PPM1L: variants seen among roughly 807,000 people sequenced by gnomAD.
PPM1L encodes the protein protein phosphatase, Mg2+/Mn2+ dependent 1L.
In PPM1L, 13 loss-of-function variants were observed where a neutral mutation model predicts 31.4. The observed-to-expected ratio is 0.41, with a 90% confidence interval of 0.27 to 0.66. The LOEUF is 0.66. Among genes scored for constraint, PPM1L ranks in the 30% least tolerant of loss-of-function variants. The pLI, the probability that PPM1L is intolerant of heterozygous loss-of-function variation, is 0.29. For synonymous variants in PPM1L, 184 were observed against 175.4 expected (o/e 1.05, Z -0.39); for missense variants, 326 against 453.7 (o/e 0.72, Z 2.56).
At chr3:161,013,470 T>C (rs1717965000) in intron 2 of PPM1L, among the ~76,000 whole-genome samples, 1 of 152,180 alleles carries the variant, frequency 6.6e-6, no homozygotes, top group South Asian at 2.1e-4. Flanking sequence ...GGAATAAGTG[T>C]GATGTGATGC....
chr3:160,931,114 GACAAACA>G (rs1443362346), intron 1 of PPM1L, among the ~76,000 whole-genome samples: 1 of 152,196 alleles, frequency 6.6e-6, no homozygotes, highest in Non-Finnish European at 1.5e-5. Flanking sequence ...GACAGTAGGG[GACAAACA>G]TTTGAAATAA....
At chr3:160,913,524 C>T (rs1371122186) in intron 1 of PPM1L, among the ~76,000 whole-genome samples, 2 of 152,050 alleles carry the variant, frequency 1.3e-5, no homozygotes, top group Admixed American at 6.6e-5. Context: ...TCAATTACTC[C>T]AAAATGTTTC....
At chr3:160,823,630 A>G (rs1490047512) in intron 1 of PPM1L, among the ~76,000 whole-genome samples, 1 of 152,138 alleles carries the variant, frequency 6.6e-6, no homozygotes, top group East Asian at 1.9e-4. Flanking sequence ...AATAATTACT[A>G]TAATAATGCT....
intron 1 of PPM1L, among the ~76,000 whole-genome samples, chr3:160,846,586 T>C (rs1714085137): frequency 6.6e-6 from 1 of 152,150 alleles, no homozygotes; most frequent in Admixed American, 6.5e-5. Context: ...TGTCCTGTTA[T>C]CTAGATTAGA....
rs1322801669 is a variant in PPM1L at position 160,915,879 on chromosome 3, C to T, written c.400-45857C>T. Among the ~76,000 whole-genome samples, 10 of 152,228 alleles carry T rather than the reference C, an allele frequency of 6.6e-5. No homozygotes were observed. The East Asian group carries it at 1.5e-3, about 23-fold the overall frequency. ...ATATGTAGAAAGCTGAAACTGGATC[C>T]CTTCCTTACACCTTATACAAAAATT... On this transcript the variant is annotated intron_variant, in intron 1 of 3. Coordinates refer to ENST00000498165, the MANE Select transcript of PPM1L (RefSeq NM_139245.4).
intron 1 of PPM1L, among the ~76,000 whole-genome samples, chr3:160,823,131 C>A (rs958095356): frequency 3.3e-5 from 5 of 152,038 alleles, no homozygotes; most frequent in Admixed American, 3.3e-4. Flanking sequence ...AGGCACTGGA[C>A]TCCTGGAAGG....
intron 2 of PPM1L, among the ~76,000 whole-genome samples, chr3:161,043,063 T>G (rs6772578): frequency 2.0e-5 from 3 of 147,148 alleles, no homozygotes; most frequent in Non-Finnish European, 3.0e-5. Context: ...TTCAAATCAG[T>G]GGTTGACTTC....
intron 2 of PPM1L, among the ~76,000 whole-genome samples, chr3:160,987,528 T>A (rs1397906641): frequency 6.6e-6 from 1 of 152,234 alleles, no homozygotes; most frequent in Non-Finnish European, 1.5e-5. Context: ...TCAGTGTATA[T>A]ACAGGGAATA....
At chr3:160,849,709 C>T (rs1359444879) in intron 1 of PPM1L, among the ~76,000 whole-genome samples, 6 of 151,620 alleles carry the variant, frequency 4.0e-5, no homozygotes, top group Non-Finnish European at 7.4e-5. Context: ...CAGGCGCCCG[C>T]CACCACGCCC....
chr3:160,895,654 A>ACTC, intron 1 of PPM1L, among the ~76,000 whole-genome samples: 1 of 152,198 alleles, frequency 6.6e-6, no homozygotes, highest in African/African-American at 2.4e-5. Context: ...ATAAAGGAGT[A>ACTC]CTTTGTTTTG....
chr3:160,957,817 C>T (rs1028935297), intron 1 of PPM1L, among the ~76,000 whole-genome samples: 4 of 152,000 alleles, frequency 2.6e-5, no homozygotes, highest in African/African-American at 9.7e-5. Flanking sequence ...ACCTTGTGAT[C>T]CGCCCGCCTC....
intron 2 of PPM1L, among the ~76,000 whole-genome samples, chr3:161,057,550 C>G (rs557225234): frequency 3.0e-4 from 46 of 152,052 alleles, no homozygotes; most frequent in Non-Finnish European, 5.4e-4. Context: ...ACAGGGTCAC[C>G]AACAGCCCAG....
intron 1 of PPM1L, among the ~76,000 whole-genome samples, chr3:160,785,500 A>G (rs776040387): frequency 2.6e-5 from 4 of 151,812 alleles, no homozygotes; most frequent in Non-Finnish European, 5.9e-5. Context: ...GATCTCTAAA[A>G]CCCCTCCCCA....
intron 1 of PPM1L, among the ~76,000 whole-genome samples, chr3:160,952,991 AG>A (rs1715621763): frequency 6.6e-6 from 1 of 152,188 alleles, no homozygotes; most frequent in South Asian, 2.1e-4. Context: ...GTGAAATTTG[AG>A]GGGTATTAAA....
At chr3:161,015,486 A>G (rs1718056811) in intron 2 of PPM1L, among the ~76,000 whole-genome samples, 1 of 152,216 alleles carries the variant, frequency 6.6e-6, no homozygotes, top group African/African-American at 2.4e-5. Context: ...TAAACTGGTC[A>G]TTATTTACAT....
At chr3:160,835,037 C>G (rs543986933) in intron 1 of PPM1L, among the ~76,000 whole-genome samples, 1 of 140,460 alleles carries the variant, frequency 7.1e-6, no homozygotes, top group South Asian at 2.4e-4. Context: ...ATTACTACTA[C>G]TACTTCTTCT....
chr3:161,061,947 A>T (rs1424986830), intron 2 of PPM1L, among the ~76,000 whole-genome samples: 1 of 152,250 alleles, frequency 6.6e-6, no homozygotes, highest in Non-Finnish European at 1.5e-5. Context: ...AGGCTGGCTC[A>T]GCAGTTCCCT....
intron 2 of PPM1L, among the ~76,000 whole-genome samples, chr3:161,030,551 C>T (rs942326912): frequency 5.3e-5 from 8 of 152,114 alleles, no homozygotes; most frequent in African/African-American, 1.4e-4. Flanking sequence ...AAATGGACTA[C>T]GACAACAACC....
chr3:160,840,009 T>C (rs1273240266), intron 1 of PPM1L, among the ~76,000 whole-genome samples: 1 of 152,210 alleles, frequency 6.6e-6, no homozygotes, highest in African/African-American at 2.4e-5. Flanking sequence ...ATGGAAGTGT[T>C]AATAGGATTT....
Sources: gnomAD v4.1 joint callset for allele counts (sites outside exome capture counted in the v4.1 genomes callset) on GRCh38, gnomAD v4.1.1 for gene constraint, MANE v1.5 for transcripts, NCBI Gene and HGNC (gene_info 2026-07-23, HGNC 2026-07-21) for gene names.